Variants in ROCK1 observed in about 807,000 individuals in gnomAD.
ROCK1 encodes the protein Rho associated coiled-coil containing protein kinase 1, also known as rho-associated protein kinase 1.
Under a neutral mutation model 196.8 loss-of-function variants are expected in ROCK1, and 36 were observed. That is an observed-to-expected ratio of 0.18 (90% CI 0.14 to 0.24). The LOEUF (loss-of-function observed/expected upper bound fraction) is 0.24, where lower values mean the gene tolerates loss of function less well. Among genes scored for constraint, ROCK1 ranks in the 10% least tolerant of loss-of-function variants. ROCK1 has a pLI of 1.00. For synonymous variants in ROCK1, 443 were observed against 515.9 expected (o/e 0.86, Z 1.91); for missense variants, 920 against 1,562.0 (o/e 0.59, Z 6.93).
In ROCK1 at chr18:21,006,742, T is replaced by G; in HGVS notation, c.1595A>C (p.Asn532Thr). The change falls in exon 15 of 33, where the codon AAT becomes ACT. Residue 532 changes from asparagine (N) to threonine (T), a missense_variant. Coordinates refer to ENST00000399799, the MANE Select transcript of ROCK1 (RefSeq NM_005406.3). ...QLEDLKKVSQ[N>T]SQLANEKLSQ... ...CAGCTTCTCATTAGCAAGCTGTGAA[T>G]TCTGACTGACTTTCTTTAAGTCTTC... 6.2e-7 allele frequency: 1 copy of G among 1,606,764 alleles called. No homozygotes were observed. The highest frequency in any genetic ancestry group is 8.5e-7 in the Non-Finnish European group (1 of 1,177,996).
At chr18:20,965,158 G>C (rs1025407854) in intron 27 of ROCK1, among the ~76,000 whole-genome samples, 1 of 152,146 alleles carries the variant, frequency 6.6e-6, no homozygotes, top group Admixed American at 6.5e-5. Context: ...GGAAGGCCAA[G>C]GCAGGCAGAT....
intron 12 of ROCK1, among the ~76,000 whole-genome samples, chr18:21,017,465 C>T (rs1478996251): frequency 2.0e-5 from 3 of 151,224 alleles, no homozygotes; most frequent in East Asian, 2.0e-4. Flanking sequence ...GCTGGGATTA[C>T]AGGCATGAGC....
chr18:21,091,017 G>A (rs1296683665), intron 1 of ROCK1, among the ~76,000 whole-genome samples: 1 of 151,370 alleles, frequency 6.6e-6, no homozygotes, highest in African/African-American at 2.4e-5. Context: ...TAAACAACAT[G>A]AGTTGGAACT....
At chr18:20,959,551 AC>A (rs1193744951) in intron 29 of ROCK1, among the ~76,000 whole-genome samples, 11 of 150,818 alleles carry the variant, frequency 7.3e-5, no homozygotes, top group Non-Finnish European at 1.2e-4. Flanking sequence ...TGGATATGGA[AC>A]CCACTGATAC....
chr18:21,028,588 A>G (rs188007313), intron 10 of ROCK1, among the ~76,000 whole-genome samples, 188 bp downstream of exon 10: 88 of 152,328 alleles, frequency 5.8e-4, no homozygotes, highest in African/African-American at 2.0e-3. Context: ...TTTGAAAAAC[A>G]ATGTCCTAAA....
chr18:21,060,454 T>G (rs2036278885), intron 2 of ROCK1, among the ~76,000 whole-genome samples: 1 of 152,186 alleles, frequency 6.6e-6, no homozygotes. Flanking sequence ...TGGAAGACAG[T>G]TTGGCAGTTT....
At chr18:21,084,172 G>T (rs1204849285) in intron 1 of ROCK1, among the ~76,000 whole-genome samples, 2 of 151,812 alleles carry the variant, frequency 1.3e-5, no homozygotes, top group Non-Finnish European at 2.9e-5. Context: ...ACTATAAAAT[G>T]CTTAGAAGAA....
rs2035226189 is a variant in ROCK1, at chr18:20,954,818, A to G, written c.3818T>C (p.Leu1273Ser). Residue 1273 changes from leucine (L) to serine (S), a missense_variant, in exon 31 of 33, where the codon TTA (leucine) becomes TCA (serine). Physicochemically the swap from Leu to Ser is moderately radical, Grantham distance 145. This residue lies in a region of ROCK1 where 49 missense variants were observed against 180.4 expected (regional missense o/e 0.27). Coordinates refer to ENST00000399799, the MANE Select transcript of ROCK1 (RefSeq NM_005406.3). ...RCHVKCHRDH[L>S]DKKEDLICPC... Reference sequence around the variant, plus strand: ...ACAAATTAAGTCCTCTTTCTTATCTAAGTGATCTCTGTGGCACTTAACATG... The same window carrying G: ...ACAAATTAAGTCCTCTTTCTTATCTGAGTGATCTCTGTGGCACTTAACATG... 6.2e-7 allele frequency: 1 copy of G among 1,613,062 alleles called. No individual in the cohort carries two copies. The highest frequency in any genetic ancestry group is 8.5e-7 in the Non-Finnish European group (1 of 1,179,612).
At chr18:21,057,832 TA>T (rs2036256590) in intron 2 of ROCK1, among the ~76,000 whole-genome samples, 1 of 152,008 alleles carries the variant, frequency 6.6e-6, no homozygotes, top group South Asian at 2.1e-4. Context: ...AGAAAAAAAT[TA>T]AATTAAATTA....
chr18:20,976,138 C>A (rs970706741), intron 22 of ROCK1, among the ~76,000 whole-genome samples: 2 of 146,938 alleles, frequency 1.4e-5, no homozygotes, highest in African/African-American at 2.7e-5. Context: ...AATGAGCCTA[C>A]AACAGTGCCC....
chr18:21,044,866 T>C (rs569323264), intron 5 of ROCK1, among the ~76,000 whole-genome samples: 7 of 152,266 alleles, frequency 4.6e-5, no homozygotes, highest in African/African-American at 1.2e-4. Context: ...GAGTTCTTTT[T>C]TTCCCCCCTT....
intron 1 of ROCK1, among the ~76,000 whole-genome samples, chr18:21,092,818 CCTCA>C (rs2036582155): frequency 6.6e-6 from 1 of 152,070 alleles, no homozygotes; most frequent in African/African-American, 2.4e-5. Flanking sequence ...ATTTGGTAAT[CCTCA>C]CTATGACATA....
intron 18 of ROCK1, among the ~76,000 whole-genome samples, chr18:20,990,500 C>G (rs2035614641): frequency 6.6e-6 from 1 of 151,496 alleles, no homozygotes; most frequent in African/African-American, 2.4e-5. Flanking sequence ...TCGAGACCAG[C>G]CTGTCCAACA....
At chr18:20,969,300 A>C (rs954950289) in intron 23 of ROCK1, 92 bp from the exon 24 acceptor site, 15 of 713,852 alleles carry the variant, frequency 2.1e-5, no homozygotes, top group Non-Finnish European at 3.1e-5. Flanking sequence ...AGATAAAGAC[A>C]GGTCAGACAC....
intron 13 of ROCK1, among the ~76,000 whole-genome samples, chr18:21,014,126 G>C (rs139183191): frequency 1.9e-4 from 29 of 150,340 alleles, no homozygotes; most frequent in Admixed American, 8.6e-4. Flanking sequence ...TGGCTGAAAA[G>C]AGCAGTGATA....
intron 1 of ROCK1, among the ~76,000 whole-genome samples, chr18:21,090,389 G>A (rs577253448): frequency 1.8e-4 from 27 of 152,274 alleles, no homozygotes; most frequent in Non-Finnish European, 3.2e-4. Flanking sequence ...CTTAAGCCCA[G>A]GAGGTTGAGG....
At position 20,948,913 on chromosome 18, in the gene ROCK1, G is replaced by A. The variant is rs2035155523; in HGVS notation, c.*2471C>T. Reference sequence around the variant, plus strand: ...AATGGTACAAAACATCTAACTGGAGGTAGATTGTAGCAAGCCTGACAAGTG... The same window carrying A: ...AATGGTACAAAACATCTAACTGGAGATAGATTGTAGCAAGCCTGACAAGTG... On this transcript the variant is annotated 3_prime_UTR_variant, in exon 33 of 33. Coordinates refer to ENST00000399799, the MANE Select transcript of ROCK1 (RefSeq NM_005406.3). The A allele has an allele frequency of 6.6e-6, 1 of 150,400 alleles. No homozygotes were observed. The highest frequency in any genetic ancestry group is 2.0e-4 in the East Asian group (1 of 5,080). 9.3% of individuals were successfully genotyped at this position (150,400 alleles called of 1,614,324 possible).
intron 2 of ROCK1, among the ~76,000 whole-genome samples, chr18:21,065,654 C>A (rs2036328197): frequency 6.6e-6 from 1 of 152,116 alleles, no homozygotes; most frequent in South Asian, 2.1e-4. Flanking sequence ...GTGACTAACT[C>A]CCACAACAAT....
rs2035855810 is a variant in ROCK1 at position 21,015,622 on chromosome 18, AGCCTATG to A, written c.1362-150_1362-144del. ...ATGGATCTCTTTGGCAGTCAAGTGA[AGCCTATG>A]GCCTTTTTTCAAAATATTTTTTGAA... On this transcript the variant is annotated intron_variant, in intron 12 of 32. Coordinates refer to ENST00000399799, the MANE Select transcript of ROCK1 (RefSeq NM_005406.3). 5.8e-5 allele frequency: 37 copies of A among 632,896 alleles called. No homozygotes were observed. In the South Asian group the frequency reaches 6.2e-4, roughly 11 times the overall value. The allele number at this position is 632,896 out of a possible 1,614,324, so 39.2% of individuals were successfully genotyped here.
Sources: allele counts gnomAD v4.1 joint callset (sites outside exome capture counted in the v4.1 genomes callset), GRCh38; gene constraint gnomAD v4.1.1; regional missense constraint gnomAD v4.1.1; transcripts MANE v1.5; gene names NCBI Gene and HGNC (gene_info 2026-07-23, HGNC 2026-07-21).